Variants in SNX30 observed in about 807,000 individuals in gnomAD.
SNX30 encodes sorting nexin family member 30.
SNX30 carries 24 observed loss-of-function variants against 46.4 expected under a neutral mutation model. The ratio of observed to expected loss-of-function variants is 0.52; its 90% CI spans 0.37 to 0.73. The LOEUF is 0.73. SNX30 is among the 30% of genes least tolerant of loss of function. The pLI is 0.00. For synonymous variants in SNX30, 189 were observed against 211.5 expected (o/e 0.89, Z 0.92); for missense variants, 533 against 555.7 (o/e 0.96, Z 0.41).
At chr9:112,812,700 A>G (rs182156311) in intron 2 of SNX30, among the ~76,000 whole-genome samples, 7 of 152,278 alleles carry the variant, frequency 4.6e-5, no homozygotes, top group African/African-American at 1.2e-4. Flanking sequence ...AAAATAGTGT[A>G]TGAGAATGGT....
intron 2 of SNX30, among the ~76,000 whole-genome samples, chr9:112,808,830 A>C (rs1840272424): frequency 6.6e-6 from 1 of 152,252 alleles, no homozygotes; most frequent in Admixed American, 6.5e-5. Context: ...TAAGACTGCA[A>C]TAGCGTTCCA....
chr9:112,810,864 G>T (rs976770059), intron 2 of SNX30, among the ~76,000 whole-genome samples: 2 of 152,136 alleles, frequency 1.3e-5, no homozygotes, highest in African/African-American at 4.8e-5. Flanking sequence ...CCTCAGAAGG[G>T]TTTTCACAGG....
intron 1 of SNX30, among the ~76,000 whole-genome samples, chr9:112,768,647 C>CTTTT (rs58983756): frequency 7.8e-5 from 5 of 64,362 alleles, no homozygotes; most frequent in Admixed American, 1.9e-4. Context: ...ATTCTTTCTT[C>CTTTT]TTTTTTTTTT....
intron 1 of SNX30, among the ~76,000 whole-genome samples, chr9:112,756,710 C>T (rs375840287): frequency 5.5e-4 from 84 of 152,288 alleles, no homozygotes; most frequent in African/African-American, 1.8e-3. Flanking sequence ...ATCCGCCTGC[C>T]TCGGCCTCTG....
Position 112,870,458 on chromosome 9 carries a change from G to A in SNX30, c.*1615G>A, listed in dbSNP as rs770318036. On this transcript the variant is annotated 3_prime_UTR_variant, in exon 9 of 9. Coordinates refer to ENST00000374232, the MANE Select transcript of SNX30 (RefSeq NM_001012994.2). Reference sequence around the variant, plus strand: ...ATGCCGCAGTTGGACAGCATAGGACGGCTTGGTTCTGTTTCATTGTGTTTG... The same window carrying A: ...ATGCCGCAGTTGGACAGCATAGGACAGCTTGGTTCTGTTTCATTGTGTTTG... The A allele has an allele frequency of 6.6e-6, 1 of 152,188 alleles. No homozygotes were observed. Among genetic ancestry groups the A allele is most frequent in the Admixed American group, 6.5e-5 (1 of 15,284 alleles). The allele number at this position is 152,188 out of a possible 1,614,324, so 9.4% of individuals were successfully genotyped here. A position where few individuals can be genotyped will look rare whatever the true frequency, so the allele number is the denominator to read the frequency against.
At chr9:112,792,142 T>TA (rs541698071) in intron 1 of SNX30, among the ~76,000 whole-genome samples, 11 of 152,374 alleles carry the variant, frequency 7.2e-5, no homozygotes, top group Admixed American at 7.2e-4. Flanking sequence ...AAGTAGGACT[T>TA]ACTCTTTGAA....
chr9:112,797,684 G>C (rs961479262), intron 1 of SNX30, among the ~76,000 whole-genome samples: 5 of 148,416 alleles, frequency 3.4e-5, no homozygotes, highest in Non-Finnish European at 7.4e-5. Flanking sequence ...AGGTGCTTGC[G>C]CTCTCTCTTC....
intron 1 of SNX30, among the ~76,000 whole-genome samples, chr9:112,787,467 T>TG (rs111694588): frequency 1.8e-4 from 28 of 152,296 alleles, no homozygotes; most frequent in African/African-American, 6.7e-4. Flanking sequence ...AATCATTAAA[T>TG]GTGGAAGTAC....
chr9:112,757,824 A>G (rs1202870294), intron 1 of SNX30, among the ~76,000 whole-genome samples: 1 of 151,974 alleles, frequency 6.6e-6, no homozygotes, highest in African/African-American at 2.4e-5. Flanking sequence ...TCTTCTTTTT[A>G]TACCCAGCTT....
rs149294174 is a variant in SNX30 at position 112,782,048 on chromosome 9, T to C, written c.157-22728T>C. On this transcript the variant is annotated intron_variant, in intron 1 of 8. Transcript: ENST00000374232. ...TTAGTGAAATTAAAATTTCAGTCTT[T>C]GTTAGTAAAGGTTTTTTATTTTTTA... Among the ~76,000 whole-genome samples the C allele has an allele frequency of 4.1e-3, 623 of 152,300 alleles. 2 individuals carry two copies. The highest frequency in any genetic ancestry group is 0.01 in the South Asian group (49 of 4,822).
Position 112,867,103 on chromosome 9 carries a change from A to G in SNX30, c.1255-1681A>G, listed in dbSNP as rs1841366020. Among the ~76,000 whole-genome samples, 5 of 138,522 alleles carry G rather than the reference A, an allele frequency of 3.6e-5. No individual in the cohort carries two copies. In the South Asian group the frequency reaches 1.2e-3, roughly 33 times the overall value. The allele number at this position is 138,522 out of a possible 152,430, so 90.9% of individuals were successfully genotyped here. On this transcript the variant is annotated intron_variant, in intron 8 of 8. Coordinates refer to ENST00000374232, the MANE Select transcript of SNX30 (RefSeq NM_001012994.2). ...CTCAGAATTCCTTCTCCCTCCTCAG[A>G]ACTCCTCCCACCTCCTCAGAACTCC... is the stretch of plus-strand genomic sequence containing the variant.
chr9:112,825,505 G>A (rs1228231790), intron 3 of SNX30, among the ~76,000 whole-genome samples: 2 of 152,042 alleles, frequency 1.3e-5, no homozygotes, highest in African/African-American at 4.8e-5. Context: ...TGTTGCCCAA[G>A]CTGGTCTGGA....
At chr9:112,849,734 C>T (rs1840994829) in intron 6 of SNX30, among the ~76,000 whole-genome samples, 1 of 152,232 alleles carries the variant, frequency 6.6e-6, no homozygotes, top group South Asian at 2.1e-4. Flanking sequence ...TCACCTTTAG[C>T]ACAGGCAGGG....
intron 7 of SNX30, among the ~76,000 whole-genome samples, chr9:112,862,956 T>C (rs1028439293): frequency 6.6e-5 from 10 of 151,842 alleles, no homozygotes; most frequent in Non-Finnish European, 1.5e-4. Context: ...ATTTCCAGAG[T>C]GTCTAGTTAT....
chr9:112,846,721 G>C (rs1840944893), intron 6 of SNX30, among the ~76,000 whole-genome samples: 1 of 152,122 alleles, frequency 6.6e-6, no homozygotes, highest in South Asian at 2.1e-4. Context: ...TTCTCTGTGG[G>C]GGGTGAGCTG....
intron 7 of SNX30, among the ~76,000 whole-genome samples, chr9:112,859,250 G>C (rs1841188420): frequency 6.6e-6 from 1 of 152,198 alleles, no homozygotes; most frequent in East Asian, 1.9e-4. Context: ...TAATGTGTTA[G>C]AATTCCCTTC....
At chr9:112,769,408 T>A (rs1839608438) in intron 1 of SNX30, among the ~76,000 whole-genome samples, 1 of 152,168 alleles carries the variant, frequency 6.6e-6, no homozygotes, top group Admixed American at 6.5e-5. Context: ...AGTGTCCACT[T>A]CCCCAAGAGC....
chr9:112,865,637 A>ATGTGTG (rs1841314500), intron 8 of SNX30, among the ~76,000 whole-genome samples: 1 of 115,550 alleles, frequency 8.7e-6, no homozygotes, highest in East Asian at 2.5e-4. Flanking sequence ...ATATATATAT[A>ATGTGTG]TATATATATA....
At chr9:112,865,651 A>ATGTGTGTGTGTGTGTGTGTG (rs1170776453) in intron 8 of SNX30, among the ~76,000 whole-genome samples, 1 of 86,148 alleles carries the variant, frequency 1.2e-5, no homozygotes, top group Non-Finnish European at 2.8e-5. Context: ...ATATATATAT[A>ATGTGTGTGTGTGTGTGTGTG]TATATATATA....
Sources: gnomAD v4.1 joint callset for allele counts (sites outside exome capture counted in the v4.1 genomes callset) on GRCh38, gnomAD v4.1.1 for gene constraint, MANE v1.5 for transcripts, NCBI Gene and HGNC (gene_info 2026-07-23, HGNC 2026-07-21) for gene names.